The following DOK5 variants were observed in gnomAD, a reference collection of about 807,000 sequenced individuals.
DOK5 encodes the protein docking protein 5.
A neutral mutation model predicts 43.3 loss-of-function variants in DOK5; 27 were observed. The observed-to-expected ratio is 0.62, with a 90% CI of 0.46 to 0.86. DOK5 has a LOEUF of 0.86. Ranked by LOEUF, DOK5 falls within the 40% of genes least tolerant of loss-of-function variation. The probability of loss-of-function intolerance (pLI) is 0.00; values close to 1 mark genes in which losing one functional copy is unlikely to be tolerated. For synonymous variants in DOK5, 146 were observed against 140.1 expected (o/e 1.04, Z -0.30); for missense variants, 373 against 392.9 (o/e 0.95, Z 0.43).
chr20:54,496,428 G>A (rs1982393334), intron 1 of DOK5, among the ~76,000 whole-genome samples: 1 of 152,140 alleles, frequency 6.6e-6, no homozygotes, highest in Admixed American at 6.5e-5. Context: ...ATTTAAGGGA[G>A]AGCATATTGG....
intron 5 of DOK5, among the ~76,000 whole-genome samples, chr20:54,607,767 C>G (rs550286831): frequency 6.6e-6 from 1 of 152,052 alleles, no homozygotes; most frequent in African/African-American, 2.4e-5. Flanking sequence ...CCTGTAGTCC[C>G]AGCTACTCAT....
Position 54,475,697 on chromosome 20 carries a change from T to G in DOK5, c.-250T>G. 1 of 557,744 alleles carries G rather than the reference T, an allele frequency of 1.8e-6. No individual in the cohort carries two copies. The highest frequency in any genetic ancestry group is 3.1e-6 in the Non-Finnish European group (1 of 317,788). The allele number at this position is 557,744 out of a possible 1,614,324, so 34.5% of individuals were successfully genotyped here. ...CCGCGGAGTCAGCTGACGCCGGCGC[T>G]CCAGCCTCGCCTCCCCGCGCCGCGC... On this transcript the variant is annotated 5_prime_UTR_variant, in exon 1 of 8. Transcript: ENST00000262593. The surrounding 1 kb of genome is among the most constrained non-coding windows in gnomAD (Gnocchi z 4.2).
At chr20:54,561,750 G>C (rs185031968) in intron 2 of DOK5, among the ~76,000 whole-genome samples, 2 of 152,324 alleles carry the variant, frequency 1.3e-5, no homozygotes, top group East Asian at 3.9e-4. Flanking sequence ...CCACCTCCCA[G>C]GTTCAAGCGA....
chr20:54,498,841 G>A (rs892823101), intron 1 of DOK5, among the ~76,000 whole-genome samples: 2 of 152,176 alleles, frequency 1.3e-5, no homozygotes, highest in African/African-American at 4.8e-5. Flanking sequence ...CCCTGTGGAA[G>A]AATAAAGCCA....
intron 1 of DOK5, among the ~76,000 whole-genome samples, chr20:54,540,207 A>G (rs963845615): frequency 6.6e-6 from 1 of 152,086 alleles, no homozygotes. Flanking sequence ...AGTGCTCTGC[A>G]TAGATAGTCT....
At chr20:54,605,808 G>A (rs4809969) in intron 5 of DOK5, among the ~76,000 whole-genome samples, 38,422 of 152,148 alleles carry the variant, frequency 0.25, 6,251 homozygotes, top group African/African-American at 0.44. Flanking sequence ...CAAAATCCCC[G>A]TCTACAGGGA....
At chr20:54,517,999 G>T (rs1983258848) in intron 1 of DOK5, among the ~76,000 whole-genome samples, 1 of 152,034 alleles carries the variant, frequency 6.6e-6, no homozygotes. Flanking sequence ...AGGCCCAAAT[G>T]GACTCAGCCT....
intron 1 of DOK5, among the ~76,000 whole-genome samples, chr20:54,537,831 CTTTTT>C (rs927019328): frequency 2.2e-5 from 2 of 89,534 alleles, no homozygotes; most frequent in Non-Finnish European, 4.4e-5. Flanking sequence ...TGTACAAGTT[CTTTTT>C]TTTTTTTTTT....
Position 54,573,686 on chromosome 20 carries a change from C to CAA in DOK5, c.175-14775_175-14774dup, listed in dbSNP as rs1321685949. Among the ~76,000 whole-genome samples the CAA allele has an allele frequency of 3.1e-3, 153 of 49,854 alleles. 1 individual carries two copies. Among genetic ancestry groups the CAA allele is most frequent in the East Asian group, 3.7e-3 (5 of 1,356 alleles). 32.7% of individuals were successfully genotyped at this position (49,854 alleles called of 152,430 possible). A position where few individuals can be genotyped will look rare whatever the true frequency, so the allele number is the denominator to read the frequency against. On this transcript the variant is annotated intron_variant, in intron 2 of 7. Transcript: ENST00000262593. ...TGGGTTATAGAGGGAGACTCCATCT[C>CAA]AAAAAAAAAAAAAAAAAAAAAAAGG... is the stretch of plus-strand genomic sequence containing the variant.
intron 1 of DOK5, among the ~76,000 whole-genome samples, chr20:54,546,887 G>A (rs1331223856): frequency 1.3e-5 from 2 of 152,158 alleles, no homozygotes; most frequent in Non-Finnish European, 2.9e-5. Flanking sequence ...CAGACATTTG[G>A]TGGAGGGGGT....
At chr20:54,637,929 T>C (rs1036768339) in intron 6 of DOK5, among the ~76,000 whole-genome samples, 28 of 152,130 alleles carry the variant, frequency 1.8e-4, no homozygotes, top group African/African-American at 2.2e-4. Context: ...AAGACCATCG[T>C]GGCTAACACG....
At chr20:54,567,457 T>G (rs571379303) in intron 2 of DOK5, among the ~76,000 whole-genome samples, 6 of 152,324 alleles carry the variant, frequency 3.9e-5, no homozygotes, top group Non-Finnish European at 8.8e-5. Flanking sequence ...CTTATTGAAT[T>G]GATTTTTTTA....
At chr20:54,595,120 T>C (rs1157464534) in intron 5 of DOK5, among the ~76,000 whole-genome samples, 1 of 152,114 alleles carries the variant, frequency 6.6e-6, no homozygotes, top group Non-Finnish European at 1.5e-5. Flanking sequence ...GGCGGGCAGA[T>C]CACGAGGTCA....
intron 1 of DOK5, among the ~76,000 whole-genome samples, chr20:54,495,759 G>T (rs774835145): frequency 4.6e-5 from 7 of 152,130 alleles, no homozygotes; most frequent in Non-Finnish European, 8.8e-5. Flanking sequence ...GTGGGTGCCT[G>T]TAATTCCAGC....
In DOK5 at chr20:54,553,485, G is replaced by A. The variant is rs563727909; in HGVS notation, c.67-1448G>A. 5.3e-4 allele frequency among the ~76,000 whole-genome samples: 79 copies of A among 150,042 alleles called. 1 individual carries two copies. Among genetic ancestry groups the A allele is most frequent in the Middle Eastern group, 3.4e-3 (1 of 290 alleles). On this transcript the variant is annotated intron_variant, in intron 1 of 7. Coordinates refer to ENST00000262593, the MANE Select transcript of DOK5 (RefSeq NM_018431.5). ...GCTGGGATTACAGGCGTGAGCCACC[G>A]CGCCCGGCCTGATTTCTATTCTTTT...
At chr20:54,537,831 CTTTTTTT>C (rs927019328) in intron 1 of DOK5, among the ~76,000 whole-genome samples, 1 of 89,536 alleles carries the variant, frequency 1.1e-5, no homozygotes, top group South Asian at 4.1e-4. Context: ...TGTACAAGTT[CTTTTTTT>C]TTTTTTTTTT....
At chr20:54,547,223 G>A (rs1984379149) in intron 1 of DOK5, among the ~76,000 whole-genome samples, 1 of 152,140 alleles carries the variant, frequency 6.6e-6, no homozygotes. Context: ...GCTGAGTTGA[G>A]TAGTTGCAAT....
rs138221584 is a variant in DOK5, at chr20:54,552,535, G to A, written c.67-2398G>A. ...ATTATAGATATATTCTATATGTATCGTAATATGTACTACATGTTTACTATA... is the reference window on the plus strand; with the variant it reads ...ATTATAGATATATTCTATATGTATCATAATATGTACTACATGTTTACTATA... On this transcript the variant is annotated intron_variant, in intron 1 of 7. Coordinates refer to ENST00000262593, the MANE Select transcript of DOK5 (RefSeq NM_018431.5). Among the ~76,000 whole-genome samples the A allele has an allele frequency of 3.8e-3, 571 of 151,566 alleles. 7 individuals are homozygous for A. Among genetic ancestry groups the A allele is most frequent in the Non-Finnish European group, 3.0e-3 (206 of 67,890 alleles).
At position 54,650,711 on chromosome 20, in the gene DOK5, C is replaced by A; in HGVS notation, c.*232C>A. 1 of 399,890 alleles carries A rather than the reference C, an allele frequency of 2.5e-6. No individual in the cohort carries two copies. The highest frequency in any genetic ancestry group is 4.4e-6 in the Non-Finnish European group (1 of 225,310). 24.8% of individuals were successfully genotyped at this position (399,890 alleles called of 1,614,324 possible). Reference sequence around the variant, plus strand: ...GCTCTATAGATATTGACTCTGTGTTCCCTCTTTTACAGCTGGACAGAAAGA... The same window carrying A: ...GCTCTATAGATATTGACTCTGTGTTACCTCTTTTACAGCTGGACAGAAAGA... On this transcript the variant is annotated 3_prime_UTR_variant, in exon 8 of 8. Transcript: ENST00000262593.
Sources: gnomAD v4.1 joint callset for allele counts (sites outside exome capture counted in the v4.1 genomes callset) on GRCh38, gnomAD v4.1.1 for gene constraint, Gnocchi (gnomAD v3.1) non-coding constraint, MANE v1.5 for transcripts, NCBI Gene and HGNC (gene_info 2026-07-23, HGNC 2026-07-21) for gene names.